THSD7A: variants seen among roughly 807,000 people sequenced by gnomAD.
THSD7A encodes thrombospondin type 1 domain containing 7A, also known as thrombospondin type-1 domain-containing protein 7A.
THSD7A carries 96 observed loss-of-function variants against 231.3 expected under a neutral mutation model. The ratio of observed to expected loss-of-function variants is 0.41; its 90% CI spans 0.35 to 0.49. THSD7A has a LOEUF of 0.49. Ranked by LOEUF, THSD7A falls within the 20% of genes least tolerant of loss-of-function variation. The pLI is 0.05. For missense variants in THSD7A, 2,290 were observed against 2,070.2 expected, an observed-to-expected ratio of 1.11 and a Z score of -2.06; for synonymous variants, 940 against 743.3, an observed-to-expected ratio of 1.26 and a Z score of -4.30.
chr7:11,417,463 G>A lies in THSD7A; in HGVS notation c.3524C>T (p.Thr1175Ile). ...DCVISEWGPW[T>I]QCVLPCNQSS... Reference sequence around the variant, plus strand: ...TAATCATCTCACCAAAACACATTGGGTCCATGGACCCCATTCAGATATCAC... The same window carrying A: ...TAATCATCTCACCAAAACACATTGGATCCATGGACCCCATTCAGATATCAC... The change falls in exon 17 of 28, where the codon ACC becomes ATC. Residue 1175 changes from threonine to isoleucine, a missense_variant. Transcript: ENST00000423059. 1 of 1,603,136 alleles carries A rather than the reference G, an allele frequency of 6.2e-7. No homozygotes were observed. The highest frequency in any genetic ancestry group is 2.2e-5 in the East Asian group (1 of 44,660).
At chr7:11,507,926 G>A (rs569542481) in intron 6 of THSD7A, among the ~76,000 whole-genome samples, 4 of 152,176 alleles carry the variant, frequency 2.6e-5, no homozygotes, top group African/African-American at 9.7e-5. Flanking sequence ...ACAAAGGAAA[G>A]AGGTTTAATT....
chr7:11,587,421 A>G (rs1368720032), intron 4 of THSD7A, among the ~76,000 whole-genome samples: 1 of 152,194 alleles, frequency 6.6e-6, no homozygotes, highest in Non-Finnish European at 1.5e-5. Flanking sequence ...GTGGGGGAAT[A>G]GTTGTCAGGA....
chr7:11,565,731 A>G (rs926843787), intron 4 of THSD7A, among the ~76,000 whole-genome samples: 25 of 152,152 alleles, frequency 1.6e-4, no homozygotes, highest in African/African-American at 6.0e-4. Context: ...CTAGACCATG[A>G]TAAGTCTATT....
intron 1 of THSD7A, chr7:11,820,636 C>A (rs1583317641): frequency 5.3e-6 from 4 of 757,572 alleles, no homozygotes; most frequent in Non-Finnish European, 9.5e-6. Flanking sequence ...TTTCCTCGAG[C>A]GCTCTGCCAC....
At chr7:11,584,061 C>T (rs1311273616) in intron 4 of THSD7A, among the ~76,000 whole-genome samples, 1 of 152,110 alleles carries the variant, frequency 6.6e-6, no homozygotes, top group Non-Finnish European at 1.5e-5. Flanking sequence ...TTCTCTTTCT[C>T]TGGCTAAAGT....
At chr7:11,749,020 T>A (rs1782411974) in intron 1 of THSD7A, among the ~76,000 whole-genome samples, 1 of 151,900 alleles carries the variant, frequency 6.6e-6, no homozygotes, top group Non-Finnish European at 1.5e-5. Flanking sequence ...CCAAGATCCG[T>A]CCACCAAATA....
At chr7:11,387,761 AAG>A (rs1562568076) in intron 23 of THSD7A, among the ~76,000 whole-genome samples, 1 of 152,096 alleles carries the variant, frequency 6.6e-6, no homozygotes, top group Non-Finnish European at 1.5e-5. Flanking sequence ...TAGGAGTCGT[AAG>A]AGAGGGCATC....
rs554389033 is a variant in THSD7A, at chr7:11,374,242, G to C, written c.*1552C>G. The C allele has an allele frequency of 6.6e-6, 1 of 152,236 alleles. No individual in the cohort carries two copies. The highest frequency in any genetic ancestry group is 1.9e-4 in the East Asian group (1 of 5,188). 9.4% of individuals were successfully genotyped at this position (152,236 alleles called of 1,614,324 possible). ...TCTTTTATTTACTAAGATTGCATTA[G>C]CAGAATGGCAAAGTTGAGAAGTTGC... On this transcript the variant is annotated 3_prime_UTR_variant, in exon 28 of 28. Transcript: ENST00000423059.
chr7:11,636,979 C>G lies in THSD7A; in HGVS notation c.191-18G>C. The G allele has an allele frequency of 6.3e-7, 1 of 1,581,808 alleles. No homozygotes were observed. The highest frequency in any genetic ancestry group is 1.4e-5 in the African/African-American group (1 of 74,042). On this transcript the variant is annotated intron_variant, in intron 1 of 27. Transcript: ENST00000423059. This position sits in a 1 kb window ranked among gnomAD's most constrained non-coding sequence, Gnocchi z 10.0. Reference sequence around the variant, plus strand: ...CCATGGACCTACAAAAATTATAACACAAAAATTAGCAGTGCTACTAGAAGA... The same window carrying G: ...CCATGGACCTACAAAAATTATAACAGAAAAATTAGCAGTGCTACTAGAAGA...
rs1491039785 is a variant in THSD7A at position 11,425,787 on chromosome 7, A to AGAG, written c.3249+878_3249+879insCTC. On this transcript the variant is annotated intron_variant, in intron 15 of 27. Coordinates refer to ENST00000423059, the MANE Select transcript of THSD7A (RefSeq NM_015204.3). ...ACACTGAGAGACAGAGACAGAGAGCAAGAGAGAGAGAAAGGGAAGAGAGAA... is the reference window on the plus strand; with the variant it reads ...ACACTGAGAGACAGAGACAGAGAGCAGAGAGAGAGAGAGAAAGGGAAGAGAGAA... 1.3e-3 allele frequency among the ~76,000 whole-genome samples: 193 copies of AGAG among 151,102 alleles called. 1 individual carries two copies. Among genetic ancestry groups the AGAG allele is most frequent in the Middle Eastern group, 0.01 (3 of 292 alleles).
chr7:11,551,334 T>C (rs1044968704), intron 4 of THSD7A, among the ~76,000 whole-genome samples: 1 of 151,884 alleles, frequency 6.6e-6, no homozygotes, highest in African/African-American at 2.4e-5. Context: ...AAAAGAAAAA[T>C]TGACAAATGA....
At position 11,371,447 on chromosome 7, in the gene THSD7A, T is replaced by G. The variant is rs1782048629; in HGVS notation, c.*4347A>C. Reference sequence around the variant, plus strand: ...ATTCCTCACAGATTTGCTCAAGGACTACTGTTTTTTCAACACCCTCAATCT... The same window carrying G: ...ATTCCTCACAGATTTGCTCAAGGACGACTGTTTTTTCAACACCCTCAATCT... On this transcript the variant is annotated 3_prime_UTR_variant, in exon 28 of 28. Coordinates refer to ENST00000423059, the MANE Select transcript of THSD7A (RefSeq NM_015204.3). The G allele has an allele frequency of 6.6e-6, 1 of 152,192 alleles. No individual in the cohort carries two copies. The highest frequency in any genetic ancestry group is 2.4e-5 in the African/African-American group (1 of 41,446). 9.4% of individuals were successfully genotyped at this position (152,192 alleles called of 1,614,324 possible). A position where few individuals can be genotyped will look rare whatever the true frequency, so the allele number is the denominator to read the frequency against.
chr7:11,413,049 A>G (rs539083707), intron 17 of THSD7A, among the ~76,000 whole-genome samples: 7 of 152,132 alleles, frequency 4.6e-5, no homozygotes, highest in African/African-American at 1.7e-4. Flanking sequence ...ACACCTATAC[A>G]CAGCCACACA....
At chr7:11,453,323 TA>T (rs1337863450) in intron 11 of THSD7A, among the ~76,000 whole-genome samples, 1 of 41,124 alleles carries the variant, frequency 2.4e-5, no homozygotes, top group Non-Finnish European at 4.3e-5. Flanking sequence ...ATTTTTCTTT[TA>T]CCTTTTTTTT....
intron 1 of THSD7A, among the ~76,000 whole-genome samples, chr7:11,800,020 G>T (rs62435372): frequency 0.16 from 24,459 of 152,058 alleles, 2,147 homozygotes; most frequent in South Asian, 0.3. Context: ...ACCCTTAAAA[G>T]GTGGTTAACT....
chr7:11,484,514 C>G (rs780203832), intron 6 of THSD7A, among the ~76,000 whole-genome samples: 1 of 152,078 alleles, frequency 6.6e-6, no homozygotes, highest in Non-Finnish European at 1.5e-5. Context: ...CTTTTAATCA[C>G]CACTAGAAAC....
chr7:11,605,549 C>T (rs1780705961), intron 2 of THSD7A, among the ~76,000 whole-genome samples: 1 of 152,074 alleles, frequency 6.6e-6, no homozygotes, highest in Non-Finnish European at 1.5e-5. Flanking sequence ...AACAACATTC[C>T]CAGAAGATCC....
rs1783619003 is a variant in THSD7A, at chr7:11,407,310, G to A, written c.3912C>T (p.Leu1304=). The A allele has an allele frequency of 1.9e-6, 3 of 1,612,014 alleles. No homozygotes were observed. Among genetic ancestry groups the A allele is most frequent in the South Asian group, 1.1e-5 (1 of 90,534 alleles). ...TAAGTTATGGTACAAACAAACCTGT[G>A]AGGCCACATGTTTGAGAACATTCTG... The part of the protein sequence containing the change: ...PWSECSQTCG[L]TGKMIRRRTV... The change falls in exon 20 of 28, where the codon CTC becomes CTT. Residue 1304 remains leucine, a synonymous_variant. Coordinates refer to ENST00000423059, the MANE Select transcript of THSD7A (RefSeq NM_015204.3).
intron 4 of THSD7A, among the ~76,000 whole-genome samples, 169 bp from the exon 5 acceptor site, chr7:11,543,286 A>T (rs190452499): frequency 2.0e-5 from 3 of 152,356 alleles, no homozygotes; most frequent in Non-Finnish European, 2.9e-5. Flanking sequence ...GAACGAATGG[A>T]AATAAAAGAG....
Sources: gnomAD v4.1 joint callset for allele counts (sites outside exome capture counted in the v4.1 genomes callset) on GRCh38, gnomAD v4.1.1 for gene constraint, Gnocchi (gnomAD v3.1) non-coding constraint, MANE v1.5 for transcripts, NCBI Gene and HGNC (gene_info 2026-07-23, HGNC 2026-07-21) for gene names.